The following CCSER1 variants were observed in gnomAD, a reference collection of about 807,000 sequenced individuals.
CCSER1 encodes serine-rich coiled-coil domain-containing protein 1.
A neutral mutation model predicts 82.0 loss-of-function variants in CCSER1; 41 were observed. That is an observed-to-expected ratio of 0.50 (90% CI 0.39 to 0.65). The LOEUF (loss-of-function observed/expected upper bound fraction) is 0.65, where lower values mean the gene tolerates loss of function less well. Among genes scored for constraint, CCSER1 ranks in the 30% least tolerant of loss-of-function variants. CCSER1 has a pLI of 0.00. For synonymous variants in CCSER1, 414 were observed against 383.9 expected (o/e 1.08, Z -0.92); for missense variants, 1,119 against 1,064.2 (o/e 1.05, Z -0.72).
intron 1 of CCSER1, among the ~76,000 whole-genome samples, chr4:90,172,110 A>G (rs1305468115): frequency 6.6e-6 from 1 of 151,950 alleles, no homozygotes; most frequent in African/African-American, 2.4e-5. Flanking sequence ...CTCTTTGCTC[A>G]TGTCAAATCC....
intron 3 of CCSER1, among the ~76,000 whole-genome samples, chr4:90,359,557 G>T (rs1049364963): frequency 6.6e-6 from 1 of 151,784 alleles, no homozygotes; most frequent in Admixed American, 6.6e-5. Context: ...GGCAAGGATG[G>T]TGAAGCCCCA....
intron 10 of CCSER1, among the ~76,000 whole-genome samples, chr4:91,499,668 C>T (rs1759103231): frequency 6.6e-6 from 1 of 151,796 alleles, no homozygotes; most frequent in South Asian, 2.1e-4. Flanking sequence ...GCCACTGATC[C>T]TTTTACTGTT....
intron 3 of CCSER1, among the ~76,000 whole-genome samples, chr4:90,363,165 G>T (rs777119659): frequency 6.6e-6 from 1 of 151,988 alleles, no homozygotes; most frequent in Admixed American, 6.6e-5. Context: ...ACATAGAGTC[G>T]AAATAGCTGT....
intron 9 of CCSER1, among the ~76,000 whole-genome samples, chr4:91,026,379 G>A (rs1740491831): frequency 6.6e-6 from 1 of 151,946 alleles, no homozygotes; most frequent in Non-Finnish European, 1.5e-5. Flanking sequence ...ATAAATTGAA[G>A]CGCTAAAGGA....
At chr4:90,129,859 G>C (rs1278218284) in intron 1 of CCSER1, among the ~76,000 whole-genome samples, 2 of 152,178 alleles carry the variant, frequency 1.3e-5, no homozygotes, top group Non-Finnish European at 2.9e-5. Flanking sequence ...AACTCAGATG[G>C]AGAACCCCAT....
At chr4:90,825,731 CTTTTT>C (rs747896341) in intron 8 of CCSER1, among the ~76,000 whole-genome samples, 8,510 of 124,228 alleles carry the variant, frequency 0.069, 494 homozygotes, top group African/African-American at 0.18. Flanking sequence ...TTTGTTGTTG[CTTTTT>C]TTTTTTTTTT....
chr4:90,375,993 C>T (rs1748243870), intron 3 of CCSER1, among the ~76,000 whole-genome samples: 1 of 152,146 alleles, frequency 6.6e-6, no homozygotes, highest in African/African-American at 2.4e-5. Flanking sequence ...TGTAAAAACA[C>T]TTGTTCTAGG....
chr4:90,175,630 C>G (rs1413910338), intron 1 of CCSER1, among the ~76,000 whole-genome samples: 2 of 151,984 alleles, frequency 1.3e-5, no homozygotes, highest in African/African-American at 2.4e-5. Context: ...ATTAAAAAAT[C>G]TGAAATATTC....
intron 3 of CCSER1, among the ~76,000 whole-genome samples, chr4:90,343,096 G>T (rs1362884164): frequency 1.3e-5 from 2 of 151,902 alleles, no homozygotes; most frequent in Non-Finnish European, 2.9e-5. Flanking sequence ...CTCTTTATCT[G>T]TATGACTTGC....
intron 9 of CCSER1, among the ~76,000 whole-genome samples, chr4:90,946,970 CTAAG>C (rs1385676982): frequency 2.0e-5 from 3 of 152,140 alleles, no homozygotes; most frequent in Non-Finnish European, 4.4e-5. Context: ...CTCCCTCACT[CTAAG>C]ACTCAGACTG....
chr4:90,402,198 A>G (rs1429060735), intron 4 of CCSER1, among the ~76,000 whole-genome samples: 1 of 152,228 alleles, frequency 6.6e-6, no homozygotes, highest in Non-Finnish European at 1.5e-5. Context: ...TCAAAAGATA[A>G]ATGGCATGAT....
At chr4:90,261,145 G>T (rs1337213682) in intron 1 of CCSER1, among the ~76,000 whole-genome samples, 12 of 151,004 alleles carry the variant, frequency 7.9e-5, no homozygotes, top group Admixed American at 7.2e-4. Flanking sequence ...CATATTAGTT[G>T]TTACCTAGAT....
intron 7 of CCSER1, chr4:90,724,918 G>T (rs1219627542): frequency 2.7e-6 from 1 of 367,692 alleles, no homozygotes; most frequent in Non-Finnish European, 5.4e-6. Context: ...CAATATTGCT[G>T]TCTTGTTGAA....
chr4:91,174,820 TTC>T (rs1733141245), intron 10 of CCSER1, among the ~76,000 whole-genome samples: 1 of 69,904 alleles, frequency 1.4e-5, no homozygotes, highest in African/African-American at 4.3e-5. Context: ...TGTTTTTCTT[TTC>T]TTTTTTTTTT....
intron 8 of CCSER1, among the ~76,000 whole-genome samples, chr4:90,836,449 C>T (rs1761820940): frequency 6.6e-6 from 1 of 152,180 alleles, no homozygotes; most frequent in Non-Finnish European, 1.5e-5. Context: ...CCACTGCCCT[C>T]TCTGACTCAC....
At chr4:90,461,358 C>T (rs1578586772) in intron 4 of CCSER1, among the ~76,000 whole-genome samples, 1 of 117,212 alleles carries the variant, frequency 8.5e-6, no homozygotes, top group African/African-American at 4.7e-5. Context: ...TGAGCCACCG[C>T]GCCCGGCCCG....
intron 1 of CCSER1, among the ~76,000 whole-genome samples, chr4:90,265,677 A>G (rs1453170257): frequency 6.6e-6 from 1 of 152,106 alleles, no homozygotes; most frequent in Admixed American, 6.6e-5. Context: ...GAGATATTTC[A>G]TACTTAAATT....
Position 90,719,147 on chromosome 4 carries a change from C to T in CCSER1, c.1933-4767C>T, listed in dbSNP as rs116637049. ...AGCTTCAGCTGTGCTTACAGCTGCT[C>T]CGCATCATTGCCATTACCAACTGAG... is the stretch of plus-strand genomic sequence containing the variant. On this transcript the variant is annotated intron_variant, in intron 6 of 10. Transcript: ENST00000509176. Among the ~76,000 whole-genome samples, 881 of 152,216 alleles carry T rather than the reference C, an allele frequency of 5.8e-3. 7 individuals are homozygous for T. The highest frequency in any genetic ancestry group is 0.02 in the African/African-American group (831 of 41,544).
chr4:91,360,054 T>G (rs1749146874), intron 10 of CCSER1, among the ~76,000 whole-genome samples: 1 of 151,852 alleles, frequency 6.6e-6, no homozygotes, highest in African/African-American at 2.4e-5. Context: ...CATCCCACAA[T>G]CCAAGCTATT....
Sources: allele counts gnomAD v4.1 joint callset (sites outside exome capture counted in the v4.1 genomes callset), GRCh38; gene constraint gnomAD v4.1.1; transcripts MANE v1.5; gene names NCBI Gene and HGNC (gene_info 2026-07-23, HGNC 2026-07-21).